The following EXT2 variants were observed in gnomAD, a reference collection of about 807,000 sequenced individuals.
The protein encoded by EXT2 is exostosin-2.
A neutral mutation model predicts 81.6 loss-of-function variants in EXT2; 53 were observed. The ratio of observed to expected loss-of-function variants is 0.65; its 90% CI spans 0.52 to 0.82. The LOEUF (loss-of-function observed/expected upper bound fraction) is 0.82, where lower values mean the gene tolerates loss of function less well. EXT2 is among the 40% of genes least tolerant of loss of function. The probability of loss-of-function intolerance (pLI) is 0.00; values close to 1 mark genes in which losing one functional copy is unlikely to be tolerated. For missense variants in EXT2, 774 were observed against 910.2 expected (o/e 0.85, Z 1.93); for synonymous variants, 320 against 340.0 (o/e 0.94, Z 0.65).
At chr11:44,123,028 AG>A (rs1370496766) in intron 4 of EXT2, among the ~76,000 whole-genome samples, 3 of 152,240 alleles carry the variant, frequency 2.0e-5, no homozygotes, top group Admixed American at 1.3e-4. Context: ...GGCCAAAACC[AG>A]AATTGATCCT....
intron 8 of EXT2, among the ~76,000 whole-genome samples, chr11:44,196,502 C>G (rs920938412): frequency 3.9e-5 from 6 of 152,112 alleles, no homozygotes; most frequent in Non-Finnish European, 5.9e-5. Flanking sequence ...TTCTCATTTT[C>G]TCTGTCCTTA....
Position 44,114,157 on chromosome 11 carries a change from ATCGT to A in EXT2, c.627-26_627-23del, listed in dbSNP as rs1186143584. ...ATCAGAATAAAGTCCTTTCTTTCTC[ATCGT>A]TTAACAAAATACTTTGCTTTCAGGG... On this transcript the variant is annotated intron_variant, in intron 3 of 13. Transcript: ENST00000533608. The A allele has an allele frequency of 6.9e-6, 11 of 1,586,498 alleles. No individual in the cohort carries two copies. In the Admixed American group the frequency reaches 1.8e-4, roughly 26 times the overall value.
intron 4 of EXT2, among the ~76,000 whole-genome samples, chr11:44,120,851 A>G (rs1954305520): frequency 6.6e-6 from 1 of 152,218 alleles, no homozygotes; most frequent in Admixed American, 6.5e-5. Context: ...TACAACTGTT[A>G]CTATTGAGGG....
intron 7 of EXT2, among the ~76,000 whole-genome samples, chr11:44,162,381 G>A (rs1232405685): frequency 6.6e-6 from 1 of 152,072 alleles, no homozygotes; most frequent in South Asian, 2.1e-4. Flanking sequence ...TTCAAGACCA[G>A]CCTGACCAAC....
At chr11:44,112,301 G>T (rs889172375) in intron 3 of EXT2, among the ~76,000 whole-genome samples, 1 of 152,182 alleles carries the variant, frequency 6.6e-6, no homozygotes. Flanking sequence ...GCCCTGCAAA[G>T]TGCTAAAAAT....
At chr11:44,155,602 G>A (rs543005909) in intron 7 of EXT2, among the ~76,000 whole-genome samples, 75 of 152,118 alleles carry the variant, frequency 4.9e-4, no homozygotes, top group Non-Finnish European at 8.8e-4. Flanking sequence ...AAGCTAACAA[G>A]CAAAGAGAAA....
intron 7 of EXT2, among the ~76,000 whole-genome samples, chr11:44,170,825 C>G (rs1212056589): frequency 6.9e-6 from 1 of 143,894 alleles, no homozygotes; most frequent in Non-Finnish European, 1.5e-5. Flanking sequence ...CACACACACA[C>G]ACACACACAC....
intron 4 of EXT2, among the ~76,000 whole-genome samples, chr11:44,118,462 C>T (rs973615620): frequency 6.6e-6 from 1 of 151,966 alleles, no homozygotes; most frequent in African/African-American, 2.4e-5. Context: ...TAATGTATAC[C>T]CACAGCCTAG....
intron 9 of EXT2, 89 bp from the exon 10 acceptor site, chr11:44,206,704 C>T: frequency 7.2e-7 from 1 of 1,387,276 alleles, no homozygotes; most frequent in Non-Finnish European, 1.0e-6. Context: ...CAAGCTGATT[C>T]TCCCATCTCA....
chr11:44,193,891 C>A (rs1279669742), intron 8 of EXT2, among the ~76,000 whole-genome samples: 2 of 152,164 alleles, frequency 1.3e-5, no homozygotes, highest in Non-Finnish European at 2.9e-5. Context: ...TGTCCACTTC[C>A]CAGCCAACCA....
Position 44,137,679 on chromosome 11 carries a change from A to G in EXT2, c.1173+7541A>G, listed in dbSNP as rs919849636. Among the ~76,000 whole-genome samples the G allele has an allele frequency of 5.3e-5, 8 of 151,828 alleles. No individual in the cohort carries two copies. The East Asian group carries it at 7.7e-4, about 15-fold the overall frequency. ...GTATGTGGAATTTAGACTGTGTAGT[A>G]TAGTCACTCATCTTATTGTGATACC... On this transcript the variant is annotated intron_variant, in intron 7 of 13. Transcript: ENST00000533608.
At chr11:44,163,330 T>C (rs910357723) in intron 7 of EXT2, among the ~76,000 whole-genome samples, 1 of 152,210 alleles carries the variant, frequency 6.6e-6, no homozygotes, top group Admixed American at 6.5e-5. Flanking sequence ...TTTGGCCTTA[T>C]TATTGAGCTT....
At chr11:44,215,383 G>A (rs1157094631) in intron 10 of EXT2, among the ~76,000 whole-genome samples, 1 of 151,976 alleles carries the variant, frequency 6.6e-6, no homozygotes, top group African/African-American at 2.4e-5. Context: ...AAAGTACATT[G>A]CTTACTTTTG....
chr11:44,145,338 T>C (rs987756562), intron 7 of EXT2, among the ~76,000 whole-genome samples: 1 of 152,232 alleles, frequency 6.6e-6, no homozygotes, highest in African/African-American at 2.4e-5. Flanking sequence ...TTTGCTTTTC[T>C]ACAATTCAAA....
chr11:44,139,320 C>A (rs1288704039), intron 7 of EXT2, among the ~76,000 whole-genome samples: 3 of 150,718 alleles, frequency 2.0e-5, no homozygotes, highest in African/African-American at 4.9e-5. Context: ...TTTGCCTGAT[C>A]ATAATTTTAT....
chr11:44,127,909 G>T (rs952417312), intron 6 of EXT2, among the ~76,000 whole-genome samples: 4 of 152,332 alleles, frequency 2.6e-5, no homozygotes, highest in Middle Eastern at 6.8e-3. Context: ...TCTACTGGGT[G>T]TTCACCATTT....
intron 13 of EXT2, among the ~76,000 whole-genome samples, 198 bp downstream of exon 13, chr11:44,236,573 G>T (rs1002525137): frequency 6.6e-6 from 1 of 152,170 alleles, no homozygotes; most frequent in African/African-American, 2.4e-5. Flanking sequence ...CACTCAATTT[G>T]TAATGGCTGG....
chr11:44,240,878 CT>C (rs1332155292), intron 13 of EXT2, among the ~76,000 whole-genome samples: 1 of 152,226 alleles, frequency 6.6e-6, no homozygotes, highest in Non-Finnish European at 1.5e-5. Context: ...TTCCCTCCCC[CT>C]GTCTTTGGCT....
At chr11:44,177,195 A>C (rs1955170329) in intron 8 of EXT2, among the ~76,000 whole-genome samples, 1 of 152,214 alleles carries the variant, frequency 6.6e-6, no homozygotes. Flanking sequence ...CACCAAGTTA[A>C]GGTTCTTTAT....
Sources: allele counts gnomAD v4.1 joint callset (sites outside exome capture counted in the v4.1 genomes callset), GRCh38; gene constraint gnomAD v4.1.1; transcripts MANE v1.5; gene names NCBI Gene and HGNC (gene_info 2026-07-23, HGNC 2026-07-21).